FGGY: variants seen among roughly 807,000 people sequenced by gnomAD.
FGGY encodes the protein FGGY carbohydrate kinase domain containing, also known as FGGY carbohydrate kinase domain-containing protein.
In FGGY, 72 loss-of-function variants were observed where a neutral mutation model predicts 71.3. The observed-to-expected ratio is 1.01, with a 90% CI of 0.84 to 1.23. The LOEUF (loss-of-function observed/expected upper bound fraction) is 1.23, where lower values mean the gene tolerates loss of function less well. FGGY is among the 50% of genes most tolerant of loss of function. The probability of loss-of-function intolerance (pLI) is 0.00; values close to 1 mark genes in which losing one functional copy is unlikely to be tolerated. For missense variants in FGGY, 668 were observed against 682.3 expected (o/e 0.98, Z 0.23); for synonymous variants, 251 against 250.3 (o/e 1.00, Z -0.02).
At chr1:59,663,550 C>G (rs1314582499) in intron 12 of FGGY, among the ~76,000 whole-genome samples, 1 of 152,130 alleles carries the variant, frequency 6.6e-6, no homozygotes, top group Admixed American at 6.5e-5. Context: ...TTCTCAAGTA[C>G]CACACACTTG....
At chr1:59,553,613 A>T (rs1185067515) in intron 7 of FGGY, among the ~76,000 whole-genome samples, 4 of 152,206 alleles carry the variant, frequency 2.6e-5, no homozygotes, top group Admixed American at 2.6e-4. Flanking sequence ...CAGTCATCAG[A>T]CCATCCTTTG....
chr1:59,387,266 A>C (rs1001708469), intron 5 of FGGY, among the ~76,000 whole-genome samples: 1 of 152,126 alleles, frequency 6.6e-6, no homozygotes, highest in Non-Finnish European at 1.5e-5. Flanking sequence ...TATGCTTTGT[A>C]CAACTTATTT....
In FGGY at chr1:59,554,214, C is replaced by G. The variant is rs1004205681; in HGVS notation, c.890C>G (p.Ser297Cys). Residue 297 changes from serine (S) to cysteine (C), a missense_variant, in exon 8 of 16, where the codon TCT becomes TGT. Ser to Cys is a moderately radical substitution (Grantham distance 112). Around this residue, in one of 2 missense-constraint regions of FGGY, gnomAD observed 661 missense variants for 661.6 expected, o/e 1.00. Transcript: ENST00000303721. ...CTGGCTGTCATCTGTGGAACGTCTT[C>G]TTGTCACATGGGGGTGAGTCCACTG... ...SRLAVICGTS[S>C]CHMGISKDPI... 1 of 1,613,318 alleles carries G rather than the reference C, an allele frequency of 6.2e-7. No individual in the cohort carries two copies. Among genetic ancestry groups the G allele is most frequent in the Admixed American group, 1.7e-5 (1 of 59,996 alleles).
rs780526406 is a variant in FGGY at position 59,378,868 on chromosome 1, C to T, written c.554+31C>T. 3.2e-5 allele frequency: 50 copies of T among 1,557,962 alleles called. No homozygotes were observed. In the East Asian group the frequency reaches 6.1e-4, roughly 19 times the overall value. ...TTAATTACAAGTTGGATTGTGTTTG[C>T]GTTCTTCCATTCTTGGATGTCTGTC... On this transcript the variant is annotated intron_variant, in intron 5 of 15. Transcript: ENST00000303721.
chr1:59,437,991 A>ATG (rs919905306), intron 5 of FGGY, among the ~76,000 whole-genome samples: 177 of 152,112 alleles, frequency 1.2e-3, no homozygotes, highest in African/African-American at 4.0e-3. Context: ...TTTAGTACTT[A>ATG]TGTGTGTGTG....
At chr1:59,690,450 G>T (rs1368522801) in intron 14 of FGGY, among the ~76,000 whole-genome samples, 2 of 152,146 alleles carry the variant, frequency 1.3e-5, no homozygotes, top group East Asian at 3.9e-4. Context: ...TGACTCTGTG[G>T]TCTGTTCACT....
At chr1:59,653,527 C>A (rs547506205) in intron 11 of FGGY, among the ~76,000 whole-genome samples, 1 of 152,022 alleles carries the variant, frequency 6.6e-6, no homozygotes, top group African/African-American at 2.4e-5. Flanking sequence ...CAGGTGCGTC[C>A]GTCACCCCTT....
At chr1:59,306,772 G>A (rs1057301068) in intron 1 of FGGY, among the ~76,000 whole-genome samples, 4 of 152,204 alleles carry the variant, frequency 2.6e-5, no homozygotes, top group Non-Finnish European at 5.9e-5. Flanking sequence ...AGAATATACA[G>A]TGACATATGT....
chr1:59,353,935 G>A (rs1329700848), intron 4 of FGGY, among the ~76,000 whole-genome samples: 1 of 152,046 alleles, frequency 6.6e-6, no homozygotes, highest in Admixed American at 6.6e-5. Flanking sequence ...GAGCAACCAA[G>A]CAGTAAGAGC....
chr1:59,442,433 T>A, intron 5 of FGGY, among the ~76,000 whole-genome samples: 1 of 152,130 alleles, frequency 6.6e-6, no homozygotes, highest in East Asian at 1.9e-4. Flanking sequence ...TTTGTTTTTG[T>A]TTTTGTTTTT....
chr1:59,455,899 A>G (rs1426546881), intron 5 of FGGY, among the ~76,000 whole-genome samples: 1 of 152,256 alleles, frequency 6.6e-6, no homozygotes, highest in Non-Finnish European at 1.5e-5. Flanking sequence ...GACTTTCTTC[A>G]GAGAACTGTA....
chr1:59,718,189 C>T (rs1933212), intron 14 of FGGY, among the ~76,000 whole-genome samples: 1,714 of 152,328 alleles, frequency 0.011, 28 homozygotes, highest in African/African-American at 0.038. Flanking sequence ...CAAACTGTTA[C>T]GCTGGCATTT....
intron 4 of FGGY, among the ~76,000 whole-genome samples, chr1:59,348,471 G>C (rs965594714): frequency 3.3e-5 from 5 of 152,094 alleles, no homozygotes; most frequent in Non-Finnish European, 7.4e-5. Flanking sequence ...TCAGCTTAAT[G>C]GTTCCCATTA....
At chr1:59,478,611 A>C (rs972042450) in intron 6 of FGGY, among the ~76,000 whole-genome samples, 6 of 152,246 alleles carry the variant, frequency 3.9e-5, no homozygotes, top group African/African-American at 1.4e-4. Flanking sequence ...TAAATAAAAG[A>C]GGGCAAGATA....
At chr1:59,610,078 T>A (rs1425012519) in intron 9 of FGGY, among the ~76,000 whole-genome samples, 1 of 152,258 alleles carries the variant, frequency 6.6e-6, no homozygotes, top group East Asian at 1.9e-4. Context: ...CAACTTATTT[T>A]ATTTTACTTT....
Position 59,390,728 on chromosome 1 carries a change from G to A in FGGY, c.554+11891G>A, listed in dbSNP as rs534187969. Reference sequence around the variant, plus strand: ...AGAATTGATATGGGGTGGGTAAAAAGACACTCAAAATCATAATTTCTCAGC... The same window carrying A: ...AGAATTGATATGGGGTGGGTAAAAAAACACTCAAAATCATAATTTCTCAGC... On this transcript the variant is annotated intron_variant, in intron 5 of 15. Transcript: ENST00000303721. 2.6e-5 allele frequency among the ~76,000 whole-genome samples: 4 copies of A among 152,218 alleles called. No homozygotes were observed. In the South Asian group the frequency reaches 8.3e-4, roughly 32 times the overall value.
intron 14 of FGGY, among the ~76,000 whole-genome samples, chr1:59,722,922 G>A (rs867580624): frequency 1.3e-5 from 2 of 152,128 alleles, no homozygotes; most frequent in Admixed American, 1.3e-4. Context: ...TCAGCCTCCC[G>A]AGTAGCTGGG....
intron 14 of FGGY, 118 bp from the exon 15 acceptor site, chr1:59,757,813 G>T: frequency 1.6e-6 from 1 of 627,274 alleles, no homozygotes; most frequent in Non-Finnish European, 2.8e-6. Context: ...AAAAAAAAGA[G>T]GACTAACCAA....
At chr1:59,497,321 C>T (rs1179610269) in intron 6 of FGGY, among the ~76,000 whole-genome samples, 1 of 152,222 alleles carries the variant, frequency 6.6e-6, no homozygotes, top group African/African-American at 2.4e-5. Flanking sequence ...GACACGGTGG[C>T]TCATGCCTAT....
Sources: gnomAD v4.1 joint callset for allele counts (sites outside exome capture counted in the v4.1 genomes callset) on GRCh38, gnomAD v4.1.1 for gene constraint, gnomAD v4.1.1 regional missense constraint, MANE v1.5 for transcripts, NCBI Gene and HGNC (gene_info 2026-07-23, HGNC 2026-07-21) for gene names.